DLG2: variants seen among roughly 807,000 people sequenced by gnomAD.
DLG2 encodes disks large homolog 2.
DLG2 carries 45 observed loss-of-function variants against 132.5 expected under a neutral mutation model. That is an observed-to-expected ratio of 0.34 (90% confidence interval 0.27 to 0.44). The LOEUF (loss-of-function observed/expected upper bound fraction) is 0.44. Ranked by LOEUF, DLG2 falls within the 20% of genes least tolerant of loss-of-function variation. The pLI is 1.00. For missense variants in DLG2, 1,045 were observed against 1,196.9 expected (o/e 0.87, Z 1.87); for synonymous variants, 424 against 419.6 (o/e 1.01, Z -0.13).
chr11:85,180,762 G>T (rs2079633948), intron 4 of DLG2, among the ~76,000 whole-genome samples: 1 of 151,748 alleles, frequency 6.6e-6, no homozygotes, highest in South Asian at 2.1e-4. Context: ...TTATACATCA[G>T]GGGAAAAGAT....
intron 11 of DLG2, among the ~76,000 whole-genome samples, chr11:84,028,915 G>C (rs1654783407): frequency 6.6e-6 from 1 of 151,936 alleles, no homozygotes; most frequent in African/African-American, 2.4e-5. Context: ...GAAAATTTCA[G>C]AAAAATTTTT....
Position 85,420,285 on chromosome 11 carries a change from T to C in DLG2, c.41-134920A>G, listed in dbSNP as rs2090186722. The stretch of plus-strand genomic sequence containing the variant: ...AAGTATGCAGAACAGCAAAGACTGC[T>C]GCCTGTTCCTTCCTCTGGAAGCTTC... On this transcript the variant is annotated intron_variant, in intron 3 of 27. Transcript: ENST00000376104. 2.6e-5 allele frequency among the ~76,000 whole-genome samples: 4 copies of C among 152,196 alleles called. No homozygotes were observed. In the South Asian group the frequency reaches 8.3e-4, roughly 32 times the overall value.
At chr11:84,954,875 T>A (rs999395821) in intron 6 of DLG2, among the ~76,000 whole-genome samples, 1 of 152,154 alleles carries the variant, frequency 6.6e-6, no homozygotes, top group African/African-American at 2.4e-5. Context: ...CCATACTGCA[T>A]AAAAATGTAT....
chr11:85,289,710 T>C (rs535940904), intron 3 of DLG2, among the ~76,000 whole-genome samples: 1 of 152,170 alleles, frequency 6.6e-6, no homozygotes, highest in Non-Finnish European at 1.5e-5. Context: ...GATCTTCCTA[T>C]ATTTAACGAT....
chr11:83,578,917 CACAG>C (rs2096925205), intron 19 of DLG2, among the ~76,000 whole-genome samples: 1 of 152,316 alleles, frequency 6.6e-6, no homozygotes, highest in East Asian at 1.9e-4. Flanking sequence ...TCTCAGACCA[CACAG>C]ACAGTGAGTG....
At chr11:83,630,385 A>G (rs1246372509) in intron 19 of DLG2, among the ~76,000 whole-genome samples, 1 of 152,090 alleles carries the variant, frequency 6.6e-6, no homozygotes, top group Non-Finnish European at 1.5e-5. Context: ...AAGGGGAAGA[A>G]TGGTTTTTTG....
chr11:85,053,632 C>CAAAA (rs574119257), intron 6 of DLG2, among the ~76,000 whole-genome samples: 13,707 of 90,404 alleles, frequency 0.15, 974 homozygotes, highest in South Asian at 0.24. Flanking sequence ...ACTAAAAATA[C>CAAAA]AAAAAAAAAA....
At chr11:85,021,819 G>C (rs2060098407) in intron 6 of DLG2, among the ~76,000 whole-genome samples, 1 of 152,058 alleles carries the variant, frequency 6.6e-6, no homozygotes, top group Non-Finnish European at 1.5e-5. Flanking sequence ...AGCCACAACT[G>C]CTCAGTCTTT....
chr11:84,918,495 G>C (rs2092601364), intron 6 of DLG2, among the ~76,000 whole-genome samples: 1 of 152,100 alleles, frequency 6.6e-6, no homozygotes, highest in Non-Finnish European at 1.5e-5. Flanking sequence ...CCCATCACAG[G>C]AAAACAACTC....
At chr11:85,546,795 C>T (rs1246214586) in intron 3 of DLG2, among the ~76,000 whole-genome samples, 1 of 142,882 alleles carries the variant, frequency 7.0e-6, no homozygotes, top group Non-Finnish European at 1.5e-5. Flanking sequence ...TCTGTTTTAT[C>T]AGAGACTAGG....
At chr11:84,473,947 G>A (rs1054268480) in intron 7 of DLG2, among the ~76,000 whole-genome samples, 4 of 151,970 alleles carry the variant, frequency 2.6e-5, no homozygotes, top group Non-Finnish European at 5.9e-5. Context: ...CACTATTGGT[G>A]AGCTATGGAT....
At chr11:85,174,917 G>A (rs998285156) in intron 4 of DLG2, among the ~76,000 whole-genome samples, 15 of 151,946 alleles carry the variant, frequency 9.9e-5, no homozygotes, top group African/African-American at 3.6e-4. Flanking sequence ...CAGAACCAGG[G>A]CAAAAATTAA....
chr11:84,552,933 C>A (rs1421374194), intron 6 of DLG2, among the ~76,000 whole-genome samples: 1 of 152,202 alleles, frequency 6.6e-6, no homozygotes, highest in Non-Finnish European at 1.5e-5. Context: ...ACAACATTCT[C>A]AATCTCTTGC....
intron 6 of DLG2, among the ~76,000 whole-genome samples, chr11:84,739,762 T>C (rs987719270): frequency 5.9e-5 from 9 of 152,186 alleles, no homozygotes; most frequent in African/African-American, 2.2e-4. Context: ...GATGTAGCCA[T>C]TTTACATAAA....
At chr11:84,739,943 C>T (rs1362996418) in intron 6 of DLG2, among the ~76,000 whole-genome samples, 3 of 151,886 alleles carry the variant, frequency 2.0e-5, no homozygotes, top group Admixed American at 6.6e-5. Context: ...GGTCCTTGTG[C>T]CCAGGCCCCA....
intron 21 of DLG2, among the ~76,000 whole-genome samples, chr11:83,496,671 A>C (rs2094164437): frequency 6.6e-6 from 1 of 152,204 alleles, no homozygotes; most frequent in Admixed American, 6.5e-5. Flanking sequence ...AGCATTATAG[A>C]AGGCAGACAC....
chr11:84,272,827 C>T lies in DLG2; in HGVS notation c.520-21536G>A, dbSNP rs370591424. On this transcript the variant is annotated intron_variant, in intron 7 of 27. Transcript: ENST00000376104. ...GGAACCAATGGGGAAATAAACATTGCAGTTTATTTCAAACATTAATATATG... is the reference window on the plus strand; with the variant it reads ...GGAACCAATGGGGAAATAAACATTGTAGTTTATTTCAAACATTAATATATG... 4.3e-4 allele frequency among the ~76,000 whole-genome samples: 65 copies of T among 152,180 alleles called. 1 individual carries two copies. In the South Asian group the frequency reaches 0.013, roughly 31 times the overall value.
chr11:84,001,429 C>A (rs973051779), intron 11 of DLG2, among the ~76,000 whole-genome samples: 3 of 151,706 alleles, frequency 2.0e-5, no homozygotes, highest in Admixed American at 2.0e-4. Context: ...ATGCACCCAG[C>A]ACTGGATCAC....
At chr11:84,646,152 CTGGTTTGCAG>C (rs1565547369) in intron 6 of DLG2, among the ~76,000 whole-genome samples, 3 of 152,142 alleles carry the variant, frequency 2.0e-5, no homozygotes, top group African/African-American at 7.2e-5. Flanking sequence ...TTCTCTAGCA[CTGGTTTGCAG>C]TGGTTAATAA....
Sources: gnomAD v4.1 joint callset for allele counts (sites outside exome capture counted in the v4.1 genomes callset) on GRCh38, gnomAD v4.1.1 for gene constraint, MANE v1.5 for transcripts, NCBI Gene and HGNC (gene_info 2026-07-23, HGNC 2026-07-21) for gene names.